RBBP4: variants seen among roughly 807,000 people sequenced by gnomAD.
The protein encoded by RBBP4 is RB binding protein 4, chromatin remodeling factor, also known as histone-binding protein RBBP4.
In RBBP4, 3 loss-of-function variants were observed where a neutral mutation model predicts 57.2. That is an observed-to-expected ratio of 0.05 (90% CI 0.02 to 0.14). RBBP4 has a LOEUF of 0.14. RBBP4 is among the 10% of genes least tolerant of loss of function. RBBP4 has a pLI of 1.00. For missense variants in RBBP4, 107 were observed against 520.6 expected, an observed-to-expected ratio of 0.21 and a Z score of 7.73; for synonymous variants, 151 against 171.5, an observed-to-expected ratio of 0.88 and a Z score of 0.93.
At position 32,684,139 on chromosome 1, in the gene RBBP4, T is replaced by G. The variant is rs1649644705; in HGVS notation, c.*4434T>G. The G allele has an allele frequency of 1.2e-6, 2 of 1,607,492 alleles. No homozygotes were observed. Among genetic ancestry groups the G allele is most frequent in the Admixed American group, 1.7e-5 (1 of 58,780 alleles). On this transcript the variant is annotated 3_prime_UTR_variant, in exon 12 of 12. Coordinates refer to ENST00000373493, the MANE Select transcript of RBBP4 (RefSeq NM_005610.3). ...CATGTGTTTTTGGATAAGCACAATT[T>G]GAAAATCATTTCCCAAATCCTCTTT...
chr1:32,668,613 C>A, intron 4 of RBBP4, 126 bp from the exon 5 acceptor site: 1 of 857,786 alleles, frequency 1.2e-6, no homozygotes, highest in Non-Finnish European at 1.8e-6. Flanking sequence ...TCTATTTGAT[C>A]ATAACGGTTC....
At position 32,682,539 on chromosome 1, in the gene RBBP4, G is replaced by T. The variant is rs1269045300; in HGVS notation, c.*2834G>T. ...TGTAATCCCAGCACTTTGAGAGGCT[G>T]AGGCACGTGGATCACAAGGTCAGGA... On this transcript the variant is annotated 3_prime_UTR_variant, in exon 12 of 12. Transcript: ENST00000373493. The T allele has an allele frequency of 6.6e-6, 1 of 152,230 alleles. No individual in the cohort carries two copies. The highest frequency in any genetic ancestry group is 1.5e-5 in the Non-Finnish European group (1 of 68,064). 9.4% of individuals were successfully genotyped at this position (152,230 alleles called of 1,614,324 possible).
chr1:32,669,805 G>A lies in RBBP4; in HGVS notation c.966+242G>A, dbSNP rs966393860. Among the ~76,000 whole-genome samples, 1 of 152,098 alleles carries A rather than the reference G, an allele frequency of 6.6e-6. No homozygotes were observed. Among genetic ancestry groups the A allele is most frequent in the Non-Finnish European group, 1.5e-5 (1 of 68,014 alleles). On this transcript the variant is annotated intron_variant, in intron 8 of 11. Coordinates refer to ENST00000373493, the MANE Select transcript of RBBP4 (RefSeq NM_005610.3). The surrounding 1 kb of genome is among the most constrained non-coding windows in gnomAD (Gnocchi z 4.9). ...CTCGGGAGGCTGAGGCAGGAGAATG[G>A]CATGAAACCCGGGAGGCAGAGGTTG...
intron 1 of RBBP4, chr1:32,651,564 C>T (rs1015756164): frequency 1.0e-5 from 11 of 1,099,760 alleles, no homozygotes; most frequent in Non-Finnish European, 1.3e-5. Context: ...CTCTTCCTGC[C>T]TCCGATATCG....
intron 3 of RBBP4, among the ~76,000 whole-genome samples, chr1:32,659,790 C>T (rs1278444097): frequency 6.6e-6 from 1 of 152,142 alleles, no homozygotes; most frequent in Non-Finnish European, 1.5e-5. Flanking sequence ...GGAGACCTGC[C>T]TCCTTTTGAT....
In RBBP4 at chr1:32,681,095, A is replaced by C. The variant is rs1649404839; in HGVS notation, c.*1390A>C. On this transcript the variant is annotated 3_prime_UTR_variant, in exon 12 of 12. Transcript: ENST00000373493. Reference sequence around the variant, plus strand: ...AAGGCCTCTATCACCAGATGCAATAACCAGATAAAATTCCTGTTTTTTCCC... The same window carrying C: ...AAGGCCTCTATCACCAGATGCAATACCCAGATAAAATTCCTGTTTTTTCCC... 3.3e-5 allele frequency: 5 copies of C among 152,754 alleles called. No homozygotes were observed. Among genetic ancestry groups the C allele is most frequent in the Admixed American group, 2.6e-4 (4 of 15,278 alleles). The allele number at this position is 152,754 out of a possible 1,614,324, so 9.5% of individuals were successfully genotyped here. A position where few individuals can be genotyped will look rare whatever the true frequency, so the allele number is the denominator to read the frequency against.
intron 1 of RBBP4, 108 bp downstream of exon 1, chr1:32,651,430 C>T (rs1265902809): frequency 3.6e-6 from 5 of 1,379,728 alleles, no homozygotes; most frequent in Non-Finnish European, 3.8e-6. Context: ...AGTGCAGTCC[C>T]CGGTACTGAA....
rs541194707 is a variant in RBBP4, at chr1:32,651,742, C to T, written c.17-172C>T. On this transcript the variant is annotated intron_variant, in intron 1 of 11. Coordinates refer to ENST00000373493, the MANE Select transcript of RBBP4 (RefSeq NM_005610.3). ...TAACGGAGTGTTTGGCGGGGATGGC[C>T]CGAGGAGTTTCGGCGCCGCGAAAGT... 8.5e-5 allele frequency: 74 copies of T among 866,208 alleles called. 1 individual carries two copies. In the East Asian group the frequency reaches 1.8e-3, roughly 21 times the overall value. 53.7% of individuals were successfully genotyped at this position (866,208 alleles called of 1,614,324 possible). A position where few individuals can be genotyped will look rare whatever the true frequency, so the allele number is the denominator to read the frequency against.
chr1:32,656,720 G>A lies in RBBP4; in HGVS notation c.165-707G>A, dbSNP rs915310949. Among the ~76,000 whole-genome samples the A allele has an allele frequency of 5.3e-5, 8 of 152,232 alleles. 1 individual carries two copies. In the South Asian group the frequency reaches 1.0e-3, roughly 20 times the overall value. ...TTTGTACTTCCATCGCGTTTGGAGC[G>A]ATGTGTCCATTGATAGGCGGTTAGT... is the stretch of plus-strand genomic sequence containing the variant. On this transcript the variant is annotated intron_variant, in intron 2 of 11. Coordinates refer to ENST00000373493, the MANE Select transcript of RBBP4 (RefSeq NM_005610.3).
intron 2 of RBBP4, among the ~76,000 whole-genome samples, 177 bp from the exon 3 acceptor site, chr1:32,657,250 T>C (rs928354145): frequency 6.6e-6 from 1 of 152,178 alleles, no homozygotes; most frequent in Admixed American, 6.6e-5. Context: ...CATTCTAGCC[T>C]GGGCGAAAGA....
Position 32,657,589 on chromosome 1 carries a change from T to A in RBBP4, c.310+17T>A. The A allele has an allele frequency of 6.2e-7, 1 of 1,611,950 alleles. No individual in the cohort carries two copies. The highest frequency in any genetic ancestry group is 8.5e-7 in the Non-Finnish European group (1 of 1,178,770). Reference sequence around the variant, plus strand: ...AGAAAGGAGGTAGGAATCTTAAAGGTGAAAGAAGTAAAGATGTGTGGGTCA... The same window carrying A: ...AGAAAGGAGGTAGGAATCTTAAAGGAGAAAGAAGTAAAGATGTGTGGGTCA... On this transcript the variant is annotated intron_variant, in intron 3 of 11. Coordinates refer to ENST00000373493, the MANE Select transcript of RBBP4 (RefSeq NM_005610.3).
intron 3 of RBBP4, among the ~76,000 whole-genome samples, chr1:32,666,190 T>G (rs899331707): frequency 2.0e-5 from 3 of 152,154 alleles, no homozygotes; most frequent in Non-Finnish European, 1.5e-5. Context: ...AAGGAGAAGA[T>G]AAACGGCATG....
chr1:32,652,190 C>G, intron 2 of RBBP4, 129 bp downstream of exon 2: 2 of 1,127,050 alleles, frequency 1.8e-6, no homozygotes, highest in Non-Finnish European at 2.5e-6. Flanking sequence ...GACATTTTTT[C>G]TAGGCCACAA....
rs771907999 is a variant in RBBP4, at chr1:32,669,224, A to C, written c.762-7A>C. The C allele has an allele frequency of 6.2e-7, 1 of 1,605,802 alleles. No individual in the cohort carries two copies. The highest frequency in any genetic ancestry group is 8.5e-7 in the Non-Finnish European group (1 of 1,177,988). On this transcript the variant is annotated splice_region_variant and splice_polypyrimidine_tract_variant and intron_variant, in intron 6 of 11. Coordinates refer to ENST00000373493, the MANE Select transcript of RBBP4 (RefSeq NM_005610.3). The surrounding 1 kb of genome is among the most constrained non-coding windows in gnomAD (Gnocchi z 4.9). Reference sequence around the variant, plus strand: ...GGTTTTTTTCCTTTGTTTTTTTTTCACTGAAGTTGGGATACTCGTTCAAAC... The same window carrying C: ...GGTTTTTTTCCTTTGTTTTTTTTTCCCTGAAGTTGGGATACTCGTTCAAAC...
chr1:32,666,713 C>T (rs1041994487), intron 3 of RBBP4, among the ~76,000 whole-genome samples: 4 of 151,566 alleles, frequency 2.6e-5, no homozygotes, highest in Non-Finnish European at 4.4e-5. Context: ...ACCCAGGTGC[C>T]GAGGCAAGAG....
intron 11 of RBBP4, among the ~76,000 whole-genome samples, chr1:32,674,268 CT>C (rs1649001136): frequency 6.6e-6 from 1 of 152,118 alleles, no homozygotes. Flanking sequence ...GTTTCTTGCT[CT>C]GTTGTTCAGG....
At chr1:32,668,931 G>A (rs1305907907) in intron 5 of RBBP4, 41 bp from the exon 6 acceptor site, 1 of 1,613,112 alleles carries the variant, frequency 6.2e-7, no homozygotes. Context: ...GTGGGGAGGT[G>A]AGAATCTTCC....
At chr1:32,651,626 C>T in intron 1 of RBBP4, 1 of 819,744 alleles carries the variant, frequency 1.2e-6, no homozygotes, top group Non-Finnish European at 1.8e-6. Context: ...ACCCACAAGG[C>T]TCGGAGCTCG....
At chr1:32,651,856 A>C in intron 1 of RBBP4, 58 bp from the exon 2 acceptor site, 1 of 1,563,446 alleles carries the variant, frequency 6.4e-7, no homozygotes, top group East Asian at 2.3e-5. Flanking sequence ...GTGGCTTTGC[A>C]GAGGATTACT....
Sources: gnomAD v4.1 joint callset for allele counts (sites outside exome capture counted in the v4.1 genomes callset) on GRCh38, gnomAD v4.1.1 for gene constraint, Gnocchi (gnomAD v3.1) non-coding constraint, MANE v1.5 for transcripts, NCBI Gene and HGNC (gene_info 2026-07-23, HGNC 2026-07-21) for gene names.